CAPS2: variants seen among roughly 807,000 people sequenced by gnomAD.
The protein encoded by CAPS2 is calcyphosin-2.
Under a neutral mutation model 86.5 loss-of-function variants are expected in CAPS2, and 98 were observed. The observed-to-expected ratio is 1.13, with a 90% CI of 0.96 to 1.34. CAPS2 has a LOEUF of 1.34. CAPS2 is among the 40% of genes most tolerant of loss of function. The pLI is 0.00. For synonymous variants in CAPS2, 210 were observed against 225.1 expected (o/e 0.93, Z 0.60); for missense variants, 729 against 686.8 (o/e 1.06, Z -0.69).
At chr12:75,307,417 G>C (rs1307331299) in intron 7 of CAPS2, among the ~76,000 whole-genome samples, 6 of 152,178 alleles carry the variant, frequency 3.9e-5, no homozygotes, top group African/African-American at 1.4e-4. Context: ...CTAGAAAAGT[G>C]ATAGTAAGGG....
chr12:75,330,277 A>C (rs921364064), upstream of CAPS2, among the ~76,000 whole-genome samples: 2 of 152,126 alleles, frequency 1.3e-5, no homozygotes, highest in East Asian at 3.9e-4. Flanking sequence ...GAAAACCCAA[A>C]GGGGTGAAAC....
intron 9 of CAPS2, among the ~76,000 whole-genome samples, chr12:75,299,227 CATA>C (rs1409509334): frequency 6.6e-6 from 1 of 152,140 alleles, no homozygotes; most frequent in Admixed American, 6.5e-5. Flanking sequence ...ATTAATTCAA[CATA>C]GACTTTTAAG....
chr12:75,366,189 C>T (rs1431621027), intron 1 of CAPS2, among the ~76,000 whole-genome samples: 1 of 152,064 alleles, frequency 6.6e-6, no homozygotes, highest in Non-Finnish European at 1.5e-5. Context: ...TACCTTGTGG[C>T]CACAATCCAT....
At chr12:75,319,180 G>A (rs2040066704) in intron 5 of CAPS2, among the ~76,000 whole-genome samples, 2 of 152,066 alleles carry the variant, frequency 1.3e-5, no homozygotes, top group African/African-American at 4.8e-5. Flanking sequence ...GTAAGTGGAA[G>A]GAAAACACAG....
intron 1 of CAPS2, among the ~76,000 whole-genome samples, chr12:75,353,109 C>T (rs1292529302): frequency 6.6e-6 from 1 of 151,826 alleles, no homozygotes; most frequent in Admixed American, 6.6e-5. Context: ...AGCAAACAAA[C>T]CCCAAAGCTA....
At chr12:75,382,379 C>T (rs1413277720) in intron 1 of CAPS2, among the ~76,000 whole-genome samples, 1 of 152,100 alleles carries the variant, frequency 6.6e-6, no homozygotes, top group Non-Finnish European at 1.5e-5. Context: ...GTGGCTCACG[C>T]CTATAATTCC....
At position 75,388,993 on chromosome 12, in the gene CAPS2, C is replaced by A. The variant is rs531610318; in HGVS notation, c.-395+1845G>T. On this transcript the variant is annotated intron_variant, in intron 1 of 5. Coordinates refer to the CAPS2 transcript ENST00000551829. ...TTAGAAAAGGAATTGGTAAAAAAAA[C>A]AAAACAAAACAAAAAAAACACAGAA... 6.0e-4 allele frequency among the ~76,000 whole-genome samples: 91 copies of A among 151,972 alleles called. 1 individual carries two copies. The highest frequency in any genetic ancestry group is 2.1e-3 in the African/African-American group (87 of 41,448).
intron 2 of CAPS2, among the ~76,000 whole-genome samples, chr12:75,323,539 A>G (rs1202580953): frequency 6.6e-6 from 1 of 152,076 alleles, no homozygotes; most frequent in African/African-American, 2.4e-5. Context: ...AGGTCGGGAG[A>G]TCGAGACCAG....
intron 5 of CAPS2, among the ~76,000 whole-genome samples, chr12:75,319,142 GACA>G (rs2040061162): frequency 6.6e-6 from 1 of 152,196 alleles, no homozygotes; most frequent in African/African-American, 2.4e-5. Flanking sequence ...AAAACAATCT[GACA>G]ACAAGAGATT....
In CAPS2 at chr12:75,299,706, T is replaced by C. The variant is rs1045436795; in HGVS notation, c.854+131A>G. On this transcript the variant is annotated intron_variant, in intron 9 of 16. Coordinates refer to ENST00000393284, the Ensembl canonical transcript of CAPS2. ...GATTAATAGCTATTATTTTAAAATG[T>C]TTGTTCTAAATTCACGTATTTTTAT... 16 of 441,980 alleles carry C rather than the reference T, an allele frequency of 3.6e-5. No homozygotes were observed. In the East Asian group the frequency reaches 5.9e-4, roughly 16 times the overall value. The allele number at this position is 441,980 out of a possible 1,614,324, so 27.4% of individuals were successfully genotyped here. A position where few individuals can be genotyped will look rare whatever the true frequency, so the allele number is the denominator to read the frequency against.
chr12:75,332,678 A>T (rs552153024), upstream of CAPS2, among the ~76,000 whole-genome samples: 3 of 152,174 alleles, frequency 2.0e-5, no homozygotes, highest in Non-Finnish European at 4.4e-5. Flanking sequence ...GAACTCATTT[A>T]TTTATTCGAC....
In CAPS2 at chr12:75,281,446, G is replaced by T. The variant is rs139240127; in HGVS notation, c.1612+805C>A. 5.6e-3 allele frequency among the ~76,000 whole-genome samples: 847 copies of T among 151,898 alleles called. 7 individuals carry two copies. Among genetic ancestry groups the T allele is most frequent in the African/African-American group, 0.019 (800 of 41,514 alleles). Reference sequence around the variant, plus strand: ...ATACTGCAAGATAAAAAATAAGGTGGCTCAATGTGGATTAACATATAAAGA... The same window carrying T: ...ATACTGCAAGATAAAAAATAAGGTGTCTCAATGTGGATTAACATATAAAGA... On this transcript the variant is annotated intron_variant, in intron 16 of 16. Coordinates refer to ENST00000393284, the Ensembl canonical transcript of CAPS2.
intron 1 of CAPS2, among the ~76,000 whole-genome samples, chr12:75,350,192 G>A (rs975307497): frequency 1.3e-5 from 2 of 152,204 alleles, no homozygotes; most frequent in African/African-American, 4.8e-5. Context: ...CCTACCTGAG[G>A]GATTTTCAGC....
intron 2 of CAPS2, among the ~76,000 whole-genome samples, chr12:75,323,839 G>T (rs1190424193): frequency 6.6e-6 from 1 of 152,146 alleles, no homozygotes; most frequent in Non-Finnish European, 1.5e-5. Context: ...GATTATCTAT[G>T]TATCTATGTT....
chr12:75,279,100 G>T, intron 16 of CAPS2, 35 bp from the exon 17 acceptor site: 1 of 1,431,876 alleles, frequency 7.0e-7, no homozygotes, highest in Admixed American at 2.6e-5. Flanking sequence ...ACAGTTTCCT[G>T]AAAAGTTCAG....
At chr12:75,308,239 A>G (rs2038734680) in intron 7 of CAPS2, among the ~76,000 whole-genome samples, 1 of 152,218 alleles carries the variant, frequency 6.6e-6, no homozygotes, top group South Asian at 2.1e-4. Context: ...TCCACAACCA[A>G]TTAGACTGAT....
At chr12:75,309,934 C>G (rs920149066) in intron 7 of CAPS2, among the ~76,000 whole-genome samples, 1 of 152,112 alleles carries the variant, frequency 6.6e-6, no homozygotes, top group Admixed American at 6.6e-5. Flanking sequence ...AAGCAAAAAT[C>G]AAGACATAGA....
intron 5 of CAPS2, among the ~76,000 whole-genome samples, chr12:75,316,811 A>C (rs1326116665): frequency 2.0e-5 from 3 of 152,208 alleles, no homozygotes; most frequent in Non-Finnish European, 4.4e-5. Flanking sequence ...AAAATTAATA[A>C]ATGTGGGCAT....
At chr12:75,327,121 A>T (rs1458985755), upstream of CAPS2, among the ~76,000 whole-genome samples, 1 of 152,128 alleles carries the variant, frequency 6.6e-6, no homozygotes, top group Non-Finnish European at 1.5e-5. Flanking sequence ...TAAAATAATA[A>T]ATTTATGTTG....
Sources: allele counts gnomAD v4.1 joint callset (sites outside exome capture counted in the v4.1 genomes callset), GRCh38; gene constraint gnomAD v4.1.1; transcripts MANE v1.5; gene names NCBI Gene and HGNC (gene_info 2026-07-23, HGNC 2026-07-21).